Variants in SLC9C2 observed in about 807,000 individuals in gnomAD.
SLC9C2 encodes solute carrier family 9 member C2 (putative).
SLC9C2 carries 75 observed loss-of-function variants against 140.2 expected under a neutral mutation model. That is an observed-to-expected ratio of 0.53 (90% CI 0.44 to 0.65). The LOEUF (loss-of-function observed/expected upper bound fraction) is 0.65, where lower values mean the gene tolerates loss of function less well. Among genes scored for constraint, SLC9C2 ranks in the 30% least tolerant of loss-of-function variants. The pLI, the probability that SLC9C2 is intolerant of heterozygous loss-of-function variation, is 0.00. For missense variants in SLC9C2, 1,074 were observed against 1,331.8 expected, an observed-to-expected ratio of 0.81 and a Z score of 3.01; for synonymous variants, 375 against 420.9, an observed-to-expected ratio of 0.89 and a Z score of 1.34.
intron 17 of SLC9C2, among the ~76,000 whole-genome samples, chr1:173,532,551 A>G (rs1001524848): frequency 6.6e-6 from 1 of 152,252 alleles, no homozygotes; most frequent in Non-Finnish European, 1.5e-5. Flanking sequence ...GTAGTATCCT[A>G]TGTGACTGTG....
At chr1:173,529,852 G>A in intron 18 of SLC9C2, 53 bp downstream of exon 18, 1 of 1,555,966 alleles carries the variant, frequency 6.4e-7, no homozygotes, top group East Asian at 2.2e-5. Flanking sequence ...CTTAAAAGAA[G>A]TTAATACACC....
chr1:173,507,639 T>G (rs1659746606), intron 24 of SLC9C2, among the ~76,000 whole-genome samples: 1 of 152,156 alleles, frequency 6.6e-6, no homozygotes, highest in Non-Finnish European at 1.5e-5. Context: ...GAAGTCATAC[T>G]GGAATAGGTT....
intron 18 of SLC9C2, among the ~76,000 whole-genome samples, chr1:173,529,619 A>G (rs1661431598): frequency 6.7e-6 from 1 of 149,898 alleles, no homozygotes; most frequent in Non-Finnish European, 1.5e-5. Flanking sequence ...CCTGTCTTTT[A>G]GAGAGTGTTA....
chr1:173,548,559 C>G lies in SLC9C2; in HGVS notation c.1298-7G>C. The G allele has an allele frequency of 6.2e-7, 1 of 1,613,210 alleles. No individual in the cohort carries two copies. The highest frequency in any genetic ancestry group is 1.7e-4 in the Middle Eastern group (1 of 6,052). Reference sequence around the variant, plus strand: ...AGGGAAAGAACACACAAATCTGTGACAAAGACAAAAGCAAAGGCCTTAATA... The same window carrying G: ...AGGGAAAGAACACACAAATCTGTGAGAAAGACAAAAGCAAAGGCCTTAATA... On this transcript the variant is annotated splice_polypyrimidine_tract_variant and splice_region_variant and intron_variant, in intron 11 of 27. Coordinates refer to ENST00000367714, the MANE Select transcript of SLC9C2 (RefSeq NM_178527.4).
intron 13 of SLC9C2, among the ~76,000 whole-genome samples, chr1:173,539,157 T>C (rs1323474468): frequency 1.3e-5 from 2 of 152,204 alleles, no homozygotes; most frequent in East Asian, 1.9e-4. Flanking sequence ...TCTATTAGCA[T>C]CCCATGGAAC....
chr1:173,567,054 T>C (rs1444102301), intron 9 of SLC9C2, among the ~76,000 whole-genome samples: 1 of 152,128 alleles, frequency 6.6e-6, no homozygotes, highest in African/African-American at 2.4e-5. Context: ...TTCAGCTTTT[T>C]TGAACCTTTT....
intron 17 of SLC9C2, among the ~76,000 whole-genome samples, chr1:173,532,862 T>C (rs1274278374): frequency 6.6e-6 from 1 of 151,968 alleles, no homozygotes; most frequent in African/African-American, 2.4e-5. Context: ...GCCTGGACAA[T>C]AAAGTGAGAT....
At chr1:173,537,115 C>T (rs1662025955) in intron 13 of SLC9C2, 76 bp from the exon 14 acceptor site, 2 of 1,131,586 alleles carry the variant, frequency 1.8e-6, no homozygotes, top group African/African-American at 1.5e-5. Context: ...CTTACATAGC[C>T]CTCACTATTA....
At position 173,547,770 on chromosome 1, in the gene SLC9C2, T is replaced by C. The variant is rs201198709; in HGVS notation, c.1476A>G (p.Ser492=). The change falls in exon 13 of 28, where the codon TCA becomes TCG. Residue 492 remains serine, a synonymous_variant. Coordinates refer to ENST00000367714, the MANE Select transcript of SLC9C2 (RefSeq NM_178527.4). ...RIEYIPFSHV[S]HNDMKTESTT... Reference sequence around the variant, plus strand: ...TGGATTCTGTCTTCATATCATTATGTGAAACGTGGGAAAACTGAACCGTAT... The same window carrying C: ...TGGATTCTGTCTTCATATCATTATGCGAAACGTGGGAAAACTGAACCGTAT... 208 of 1,610,242 alleles carry C rather than the reference T, an allele frequency of 1.3e-4. 1 individual carries two copies. Among genetic ancestry groups the C allele is most frequent in the Non-Finnish European group, 1.5e-5 (18 of 1,177,330 alleles).
At chr1:173,537,571 T>C (rs1039769048) in intron 13 of SLC9C2, among the ~76,000 whole-genome samples, 2 of 149,952 alleles carry the variant, frequency 1.3e-5, no homozygotes, top group South Asian at 2.1e-4. Context: ...CAAAAATTTA[T>C]ATGTGTGTGT....
intron 12 of SLC9C2, 140 bp from the exon 13 acceptor site, chr1:173,547,924 A>G: frequency 1.6e-6 from 1 of 639,584 alleles, no homozygotes; most frequent in East Asian, 2.9e-5. Context: ...AGAGCTATGT[A>G]ATGTTTTTTC....
chr1:173,593,287 C>T (rs759753627), intron 4 of SLC9C2, among the ~76,000 whole-genome samples: 16 of 152,150 alleles, frequency 1.1e-4, no homozygotes, highest in African/African-American at 3.4e-4. Flanking sequence ...TTAGGGAGGC[C>T]GAGGCAAGTG....
intron 11 of SLC9C2, among the ~76,000 whole-genome samples, chr1:173,550,076 G>A (rs1202412874): frequency 6.6e-6 from 1 of 152,176 alleles, no homozygotes; most frequent in Non-Finnish European, 1.5e-5. Flanking sequence ...GTGAGCTTTT[G>A]CCAATCCAAG....
chr1:173,535,286 A>G (rs16846173), intron 15 of SLC9C2, among the ~76,000 whole-genome samples: 7,284 of 152,240 alleles, frequency 0.048, 624 homozygotes, highest in African/African-American at 0.17. Flanking sequence ...TTCTATTGGT[A>G]TAAAAATTAT....
intron 23 of SLC9C2, among the ~76,000 whole-genome samples, chr1:173,511,720 T>A (rs1166171559): frequency 6.6e-6 from 1 of 152,224 alleles, no homozygotes; most frequent in Admixed American, 6.5e-5. Context: ...TCATGAAGTC[T>A]TTGCCCATGC....
chr1:173,559,517 T>C (rs1040775996), intron 9 of SLC9C2, among the ~76,000 whole-genome samples: 5 of 152,236 alleles, frequency 3.3e-5, no homozygotes, highest in African/African-American at 1.2e-4. Context: ...GCCAACTAAA[T>C]GACCACCACC....
chr1:173,539,643 G>T (rs1039000233), intron 13 of SLC9C2, among the ~76,000 whole-genome samples: 1 of 152,158 alleles, frequency 6.6e-6, no homozygotes, highest in African/African-American at 2.4e-5. Context: ...TTAAAATCAT[G>T]AGTGTAGCTG....
chr1:173,516,406 T>C (rs1238301336), intron 23 of SLC9C2, among the ~76,000 whole-genome samples: 7 of 152,226 alleles, frequency 4.6e-5, no homozygotes, highest in African/African-American at 1.7e-4. Context: ...GATTATTTCA[T>C]CACCCATGTA....
At chr1:173,544,934 C>T (rs1476307160) in intron 13 of SLC9C2, among the ~76,000 whole-genome samples, 1 of 152,116 alleles carries the variant, frequency 6.6e-6, no homozygotes, top group Non-Finnish European at 1.5e-5. Flanking sequence ...TGCAGCAAAC[C>T]AACATGGCAC....
Sources: gnomAD v4.1 joint callset for allele counts (sites outside exome capture counted in the v4.1 genomes callset) on GRCh38, gnomAD v4.1.1 for gene constraint, MANE v1.5 for transcripts, NCBI Gene and HGNC (gene_info 2026-07-23, HGNC 2026-07-21) for gene names.